SLC4A4: variants seen among roughly 807,000 people sequenced by gnomAD.
SLC4A4 encodes the protein solute carrier family 4 member 4.
Under a neutral mutation model 111.5 loss-of-function variants are expected in SLC4A4, and 27 were observed. That is an observed-to-expected ratio of 0.24 (90% CI 0.18 to 0.33). The LOEUF (loss-of-function observed/expected upper bound fraction) is 0.33. Ranked by LOEUF, SLC4A4 falls within the 10% of genes least tolerant of loss-of-function variation. SLC4A4 has a pLI of 1.00. For synonymous variants in SLC4A4, 443 were observed against 463.4 expected (o/e 0.96, Z 0.57); for missense variants, 909 against 1,315.5 (o/e 0.69, Z 4.78).
At chr4:71,305,665 G>GTGT (rs1725623965) in intron 3 of SLC4A4, among the ~76,000 whole-genome samples, 1 of 152,062 alleles carries the variant, frequency 6.6e-6, no homozygotes, top group South Asian at 2.1e-4. Flanking sequence ...TTTCACTTCC[G>GTGT]TGTCCTCTGT....
intron 8 of SLC4A4, among the ~76,000 whole-genome samples, chr4:71,441,674 G>A (rs918797890): frequency 3.9e-4 from 60 of 152,278 alleles, no homozygotes; most frequent in African/African-American, 1.4e-3. Context: ...ACAGTGTAAA[G>A]AGGCTCAAGA....
intron 2 of SLC4A4, among the ~76,000 whole-genome samples, chr4:71,116,903 A>G (rs952186978): frequency 1.4e-4 from 21 of 151,810 alleles, no homozygotes; most frequent in Non-Finnish European, 1.8e-4. Context: ...AGACTGAGCC[A>G]TTGCACTCCA....
intron 12 of SLC4A4, among the ~76,000 whole-genome samples, chr4:71,456,459 A>G (rs1031557935): frequency 2.6e-5 from 4 of 152,180 alleles, no homozygotes; most frequent in African/African-American, 9.7e-5. Flanking sequence ...TTTAAGGTGG[A>G]AGATAATCTC....
intron 2 of SLC4A4, among the ~76,000 whole-genome samples, chr4:71,095,836 T>C (rs1422229246): frequency 6.6e-6 from 1 of 152,130 alleles, no homozygotes; most frequent in African/African-American, 2.4e-5. Flanking sequence ...CCTAAGATAA[T>C]CTGAAGGTCA....
chr4:71,301,059 G>T, intron 3 of SLC4A4: 1 of 399,288 alleles, frequency 2.5e-6, no homozygotes, highest in South Asian at 2.1e-5. Flanking sequence ...ACAGTAGCTT[G>T]GTCAACTCAG....
At chr4:71,328,370 T>C (rs1009938196) in intron 3 of SLC4A4, among the ~76,000 whole-genome samples, 1 of 152,130 alleles carries the variant, frequency 6.6e-6, no homozygotes, top group East Asian at 1.9e-4. Flanking sequence ...CTGGATCTTA[T>C]GGTAGTTTTG....
chr4:71,157,273 G>C (rs984864818), intron 2 of SLC4A4, among the ~76,000 whole-genome samples: 1 of 152,078 alleles, frequency 6.6e-6, no homozygotes, highest in African/African-American at 2.4e-5. Context: ...TTAGTAGTGT[G>C]TGTAATAAAG....
chr4:71,102,016 A>G (rs1487518494), intron 2 of SLC4A4, among the ~76,000 whole-genome samples: 2 of 150,702 alleles, frequency 1.3e-5, no homozygotes, highest in East Asian at 3.9e-4. Context: ...GAAGTTGAAA[A>G]CTTTGAAAAA....
chr4:71,072,729 T>A (rs1398148587), intron 1 of SLC4A4, among the ~76,000 whole-genome samples: 1 of 152,062 alleles, frequency 6.6e-6, no homozygotes, highest in African/African-American at 2.4e-5. Flanking sequence ...TTGGTCCTTT[T>A]TTTTGTTGTT....
intron 16 of SLC4A4, among the ~76,000 whole-genome samples, chr4:71,509,967 T>C (rs1731766056): frequency 1.3e-5 from 2 of 152,272 alleles, no homozygotes; most frequent in African/African-American, 4.8e-5. Context: ...CTCTAACAGT[T>C]AGTCCAGTTT....
At chr4:71,507,194 C>T (rs976976426) in intron 16 of SLC4A4, among the ~76,000 whole-genome samples, 1 of 152,146 alleles carries the variant, frequency 6.6e-6, no homozygotes, top group African/African-American at 2.4e-5. Context: ...AACAAGTCTG[C>T]AAAATAACCA....
intron 14 of SLC4A4, among the ~76,000 whole-genome samples, chr4:71,481,508 G>A (rs1265263493): frequency 2.0e-5 from 3 of 151,606 alleles, no homozygotes; most frequent in Non-Finnish European, 3.0e-5. Context: ...TTCTCTCACA[G>A]CTCCCACAAC....
At chr4:71,532,646 T>G (rs1734043549) in intron 17 of SLC4A4, among the ~76,000 whole-genome samples, 1 of 151,990 alleles carries the variant, frequency 6.6e-6, no homozygotes, top group African/African-American at 2.4e-5. Flanking sequence ...GCTGGTGCTG[T>G]AGGCACATAC....
chr4:71,129,011 G>A (rs752365847), intron 2 of SLC4A4, among the ~76,000 whole-genome samples: 7 of 152,170 alleles, frequency 4.6e-5, no homozygotes, highest in Admixed American at 6.5e-5. Flanking sequence ...TATAAAAACC[G>A]TGGAAGATAA....
At chr4:71,170,562 C>T (rs1011277716) in intron 2 of SLC4A4, among the ~76,000 whole-genome samples, 2 of 152,176 alleles carry the variant, frequency 1.3e-5, no homozygotes, top group African/African-American at 4.8e-5. Flanking sequence ...AACTTGTAAA[C>T]ATTATTAACT....
At chr4:71,178,714 T>C (rs1416401302) in intron 2 of SLC4A4, among the ~76,000 whole-genome samples, 2 of 152,154 alleles carry the variant, frequency 1.3e-5, no homozygotes, top group Non-Finnish European at 2.9e-5. Context: ...CACTAATTAA[T>C]AGCTTACCAA....
chr4:71,548,818 G>T (rs1197036173), intron 20 of SLC4A4, among the ~76,000 whole-genome samples: 1 of 151,914 alleles, frequency 6.6e-6, no homozygotes, highest in Non-Finnish European at 1.5e-5. Flanking sequence ...CAAATTTTAT[G>T]TCAGTTGCCA....
In SLC4A4 at chr4:71,487,027, C is replaced by G; in HGVS notation, c.1974+9C>G. 6.5e-7 allele frequency: 1 copy of G among 1,542,326 alleles called. No homozygotes were observed. The highest frequency in any genetic ancestry group is 9.0e-7 in the Non-Finnish European group (1 of 1,116,906). ...TGTCTTCTACTGACATGGTAAGTGA[C>G]TTACTATTTTAAATTACCTTCATAC... On this transcript the variant is annotated intron_variant, in intron 15 of 25. Coordinates refer to ENST00000264485, the MANE Select transcript of SLC4A4 (RefSeq NM_001098484.3).
At chr4:71,103,447 C>T (rs886140284) in intron 2 of SLC4A4, among the ~76,000 whole-genome samples, 1 of 152,168 alleles carries the variant, frequency 6.6e-6, no homozygotes, top group African/African-American at 2.4e-5. Context: ...GAACTCTCCA[C>T]CCCAAATCAG....
Sources: allele counts gnomAD v4.1 joint callset (sites outside exome capture counted in the v4.1 genomes callset), GRCh38; gene constraint gnomAD v4.1.1; transcripts MANE v1.5; gene names NCBI Gene and HGNC (gene_info 2026-07-23, HGNC 2026-07-21).